Variants in ADAMTS12 observed in about 807,000 individuals in gnomAD.
The protein encoded by ADAMTS12 is ADAM metallopeptidase with thrombospondin type 1 motif 12, also known as A disintegrin and metalloproteinase with thrombospondin motifs 12.
Under a neutral mutation model 167.8 loss-of-function variants are expected in ADAMTS12, and 118 were observed. That is an observed-to-expected ratio of 0.70 (90% CI 0.61 to 0.82). ADAMTS12 has a LOEUF of 0.82. Among genes scored for constraint, ADAMTS12 ranks in the 40% least tolerant of loss-of-function variants. The pLI is 0.00. For missense variants in ADAMTS12, 1,916 were observed against 1,998.8 expected (o/e 0.96, Z 0.79); for synonymous variants, 704 against 716.9 (o/e 0.98, Z 0.29).
At chr5:33,770,825 C>T (rs1745709453) in intron 2 of ADAMTS12, among the ~76,000 whole-genome samples, 1 of 150,504 alleles carries the variant, frequency 6.6e-6, no homozygotes, top group Non-Finnish European at 1.5e-5. Flanking sequence ...CCTTCCTCTT[C>T]TTCTTCCTCT....
intron 3 of ADAMTS12, among the ~76,000 whole-genome samples, chr5:33,733,137 AG>A (rs1331135026): frequency 6.6e-6 from 1 of 152,078 alleles, no homozygotes; most frequent in African/African-American, 2.4e-5. Context: ...TGTGATTATG[AG>A]TGACTTTTAT....
intron 2 of ADAMTS12, among the ~76,000 whole-genome samples, chr5:33,874,550 A>G (rs1750156445): frequency 6.6e-6 from 1 of 152,234 alleles, no homozygotes; most frequent in Admixed American, 6.5e-5. Flanking sequence ...ACATACTCGT[A>G]CCATATAATC....
At chr5:33,724,545 CTTTTTTTT>C (rs763501455) in intron 3 of ADAMTS12, among the ~76,000 whole-genome samples, 1 of 132,758 alleles carries the variant, frequency 7.5e-6, no homozygotes, top group Non-Finnish European at 1.6e-5. Context: ...CTAACAGCTT[CTTTTTTTT>C]TTTTTTTTTT....
At chr5:33,540,178 C>T (rs1280644927) in intron 22 of ADAMTS12, among the ~76,000 whole-genome samples, 1 of 152,254 alleles carries the variant, frequency 6.6e-6, no homozygotes, top group African/African-American at 2.4e-5. Context: ...TTCGGCAGGT[C>T]CCACACTCAC....
chr5:33,741,392 G>T (rs1487463342), intron 3 of ADAMTS12, among the ~76,000 whole-genome samples: 3 of 152,240 alleles, frequency 2.0e-5, no homozygotes, highest in African/African-American at 7.2e-5. Flanking sequence ...GGACATGCTT[G>T]CGTCCAGATT....
In ADAMTS12 at chr5:33,637,676, G is replaced by A. The variant is rs752356049; in HGVS notation, c.1789C>T (p.Arg597Cys). ...RYRLCNVHPC[R>C]SEAPTFRQMQ... ...TGCCGAAATGTTGGTGCCTCTGAGC[G>A]ACAGGGGTGGACGTTGCACAAGCGA... Residue 597 changes from arginine (R) to cysteine (C), a missense_variant, in exon 12 of 24, where the codon CGC (arginine) becomes TGC (cysteine). Physicochemically the swap from Arg to Cys is radical, Grantham distance 180 (BLOSUM62 -3). Transcript: ENST00000504830. 29 of 1,613,744 alleles carry A rather than the reference G, an allele frequency of 1.8e-5. No homozygotes were observed. Among genetic ancestry groups the A allele is most frequent in the Non-Finnish European group, 1.9e-5 (23 of 1,179,750 alleles).
At chr5:33,881,617 A>G in intron 1 of ADAMTS12, 137 bp from the exon 2 acceptor site, 1 of 1,270,584 alleles carries the variant, frequency 7.9e-7, no homozygotes, top group Non-Finnish European at 1.1e-6. Flanking sequence ...GCTGGAGTGC[A>G]ATGGCACGAT....
At chr5:33,787,754 G>T (rs1746381595) in intron 2 of ADAMTS12, among the ~76,000 whole-genome samples, 1 of 152,198 alleles carries the variant, frequency 6.6e-6, no homozygotes. Context: ...ATCCTTGGGG[G>T]TCTCTCAGAC....
intron 2 of ADAMTS12, among the ~76,000 whole-genome samples, chr5:33,781,840 T>TA (rs1403264161): frequency 7.0e-6 from 1 of 143,324 alleles, no homozygotes; most frequent in African/African-American, 2.5e-5. Context: ...ATGCTATCCC[T>TA]CCCCCCCGAC....
At chr5:33,761,827 C>T (rs370209777) in intron 2 of ADAMTS12, among the ~76,000 whole-genome samples, 17 of 152,286 alleles carry the variant, frequency 1.1e-4, no homozygotes, top group East Asian at 5.8e-4. Flanking sequence ...GGCTAATAGG[C>T]TTTCACATCC....
At chr5:33,709,312 A>T (rs562223826) in intron 3 of ADAMTS12, among the ~76,000 whole-genome samples, 1 of 152,264 alleles carries the variant, frequency 6.6e-6, no homozygotes, top group Non-Finnish European at 1.5e-5. Context: ...TCAAAGACCT[A>T]GAACCAGAAA....
chr5:33,770,803 T>C (rs80037908), intron 2 of ADAMTS12, among the ~76,000 whole-genome samples: 2 of 119,484 alleles, frequency 1.7e-5, no homozygotes, highest in East Asian at 4.2e-4. Context: ...TTCTCCTCCT[T>C]CTTCTTCTTC....
At chr5:33,749,668 G>T (rs1744908757) in intron 3 of ADAMTS12, among the ~76,000 whole-genome samples, 1 of 152,210 alleles carries the variant, frequency 6.6e-6, no homozygotes, top group African/African-American at 2.4e-5. Flanking sequence ...AGGTTCTTTA[G>T]AAGTGGAAAG....
Position 33,689,453 on chromosome 5 carries a change from C to T in ADAMTS12, c.635-5398G>A, listed in dbSNP as rs189767272. Reference sequence around the variant, plus strand: ...TACATAGAAGAAGTTCGACCCCAAACCAGCTGAGTCCTAGTCCTCCAGGTC... The same window carrying T: ...TACATAGAAGAAGTTCGACCCCAAATCAGCTGAGTCCTAGTCCTCCAGGTC... On this transcript the variant is annotated intron_variant, in intron 3 of 23. Coordinates refer to ENST00000504830, the MANE Select transcript of ADAMTS12 (RefSeq NM_030955.4). 2.4e-4 allele frequency among the ~76,000 whole-genome samples: 37 copies of T among 151,884 alleles called. No individual in the cohort carries two copies. The East Asian group carries it at 5.8e-3, about 24-fold the overall frequency.
intron 14 of ADAMTS12, 136 bp downstream of exon 14, chr5:33,624,095 C>T (rs13184954): frequency 3.0e-6 from 4 of 1,350,838 alleles, no homozygotes; most frequent in Non-Finnish European, 4.0e-6. Context: ...GTGGTAAAGG[C>T]TATATTCCAT....
At chr5:33,627,416 G>A (rs1318406483) in intron 13 of ADAMTS12, among the ~76,000 whole-genome samples, 1 of 150,630 alleles carries the variant, frequency 6.6e-6, no homozygotes, top group Non-Finnish European at 1.5e-5. Flanking sequence ...TAGTGGTGAT[G>A]GTTGGGTGAT....
intron 3 of ADAMTS12, among the ~76,000 whole-genome samples, chr5:33,750,960 T>G (rs1288219679): frequency 6.6e-6 from 1 of 152,224 alleles, no homozygotes; most frequent in African/African-American, 2.4e-5. Flanking sequence ...ATCAAACATT[T>G]AAATCTGCCT....
chr5:33,704,393 T>G (rs1007051919), intron 3 of ADAMTS12, among the ~76,000 whole-genome samples: 1 of 152,216 alleles, frequency 6.6e-6, no homozygotes, highest in Admixed American at 6.5e-5. Flanking sequence ...TAAATGGTAA[T>G]TCTATTTTTA....
chr5:33,807,519 T>C (rs1747283876), intron 2 of ADAMTS12, among the ~76,000 whole-genome samples: 1 of 152,216 alleles, frequency 6.6e-6, no homozygotes, highest in Admixed American at 6.5e-5. Context: ...AGATGATAGA[T>C]GTAAAGTTCT....
Sources: gnomAD v4.1 joint callset for allele counts (sites outside exome capture counted in the v4.1 genomes callset) on GRCh38, gnomAD v4.1.1 for gene constraint, MANE v1.5 for transcripts, NCBI Gene and HGNC (gene_info 2026-07-23, HGNC 2026-07-21) for gene names.